The following MAGEE2 variants were observed in gnomAD, a reference collection of about 807,000 sequenced individuals.
MAGEE2 encodes melanoma-associated antigen E2.
For missense variants in MAGEE2, 508 were observed against 391.1 expected, an observed-to-expected ratio of 1.30 and a Z score of -2.52; for synonymous variants, 189 against 155.4, an observed-to-expected ratio of 1.22 and a Z score of -1.61.
chrX:75,784,140 C>T lies in MAGEE2; in HGVS notation c.912G>A (p.Glu304=), dbSNP rs200121912. The T allele has an allele frequency of 2.0e-5, 24 of 1,210,201 alleles. No individual in the cohort carries two copies. Among genetic ancestry groups the T allele is most frequent in the Non-Finnish European group, 2.5e-5 (22 of 895,332 alleles). ...CATTCATAGTGTCCTCCGACCAGAA[C>T]TCTAAGCCAGCAGTCAGGCTTCTTT... The part of the protein sequence containing the change: ...TKERSLTAGL[E]FWSEDTMNDK... The change falls in exon 1 of 1, where the codon GAG becomes GAA. Residue 304 remains glutamate (E), a synonymous_variant. Transcript: ENST00000373359.
rs143084438 is a variant in MAGEE2 at position 75,784,361 on chromosome X, C to G, written c.691G>C (p.Val231Leu). Residue 231 changes from valine to leucine, a missense_variant, in exon 1 of 1, where the codon GTG (valine) becomes CTG (leucine). Physicochemically the swap from Val to Leu is conservative, Grantham distance 32. Coordinates refer to ENST00000373359, the MANE Select transcript of MAGEE2 (RefSeq NM_138703.5). ...CAGTACTCCAAGAATCGCATGCACA[C>G]AAAGTCAGTAGTGAGGAGGTTCCTT... ...NTRNLLTTDF[V>L]CMRFLEYWPV... 1 of 1,209,923 alleles carries G rather than the reference C, an allele frequency of 8.3e-7. No individual in the cohort carries two copies. Among genetic ancestry groups the G allele is most frequent in the Non-Finnish European group, 1.1e-6 (1 of 895,250 alleles).
Position 75,785,071 on chromosome X carries a change from G to T in MAGEE2, c.-20C>A. On this transcript the variant is annotated 5_prime_UTR_variant, in exon 1 of 1. Transcript: ENST00000373359. ...AGACATGGTTCCAGGAGACAGGAGC[G>T]GGAACGGTGAGATCAGCGATCAGTC... 1 of 1,118,295 alleles carries T rather than the reference G, an allele frequency of 8.9e-7. No individual in the cohort carries two copies. Among genetic ancestry groups the T allele is most frequent in the Non-Finnish European group, 1.2e-6 (1 of 850,232 alleles). 92.2% of individuals were successfully genotyped at this position (1,118,295 alleles called of 1,213,427 possible). A position where few individuals can be genotyped will look rare whatever the true frequency, so the allele number is the denominator to read the frequency against.
In MAGEE2 at chrX:75,784,801, A is replaced by T. The variant is rs752641035; in HGVS notation, c.251T>A (p.Val84Asp). 1 of 1,211,277 alleles carries T rather than the reference A, an allele frequency of 8.3e-7. No homozygotes were observed. The highest frequency in any genetic ancestry group is 1.1e-6 in the Non-Finnish European group (1 of 895,420). ...EQSRRLGALR[V>D]HDPLEDRSIA... ...CGACCTGTCTTCTAGAGGGTCATGG[A>T]CCCTGAGCGCCCCCAAACGTCTGGA... is the stretch of plus-strand genomic sequence containing the variant. Residue 84 changes from valine (V) to aspartate (D), a missense_variant, in exon 1 of 1, where the codon GTC (valine) becomes GAC (aspartate). Coordinates refer to ENST00000373359, the MANE Select transcript of MAGEE2 (RefSeq NM_138703.5).
Position 75,784,924 on chromosome X carries a change from G to A in MAGEE2, c.128C>T (p.Ala43Val), listed in dbSNP as rs1333353316. The A allele has an allele frequency of 2.7e-5, 31 of 1,166,382 alleles. No homozygotes were observed. The highest frequency in any genetic ancestry group is 7.2e-5 in the African/African-American group (4 of 55,540). ...GATTGGCGCCTGAGGGCACTGGGGGGCATCAACGACTAGCATGGAGGTGGG... is the reference window on the plus strand; with the variant it reads ...GATTGGCGCCTGAGGGCACTGGGGGACATCAACGACTAGCATGGAGGTGGG... ...GSPTSMLVVDAPQCPQAPINS... is the reference protein window; with the variant it reads ...GSPTSMLVVDVPQCPQAPINS... Residue 43 changes from alanine to valine, a missense_variant, in exon 1 of 1, where the codon GCC (alanine) becomes GTC (valine). Ala to Val is a moderately conservative substitution (Grantham distance 64, BLOSUM62 0). Transcript: ENST00000373359.
At position 75,784,809 on chromosome X, in the gene MAGEE2, C is replaced by T; in HGVS notation, c.243G>A (p.Ala81=). 5.0e-6 allele frequency: 6 copies of T among 1,211,495 alleles called. No homozygotes were observed. Among genetic ancestry groups the T allele is most frequent in the Non-Finnish European group, 6.7e-6 (6 of 895,486 alleles). ...LIDEQSRRLG[A]LRVHDPLEDR... ...CTTCTAGAGGGTCATGGACCCTGAG[C>T]GCCCCCAAACGTCTGGACTGCTCGT... Residue 81 remains alanine, a synonymous_variant, in exon 1 of 1, where the codon GCG becomes GCA. Transcript: ENST00000373359.
Position 75,783,335 on chromosome X carries a change from C to A in MAGEE2, c.*145G>T. The A allele has an allele frequency of 1.7e-6, 1 of 605,313 alleles. No homozygotes were observed. Among genetic ancestry groups the A allele is most frequent in the Non-Finnish European group, 2.4e-6 (1 of 410,715 alleles). 49.9% of individuals were successfully genotyped at this position (605,313 alleles called of 1,213,427 possible). A position where few individuals can be genotyped will look rare whatever the true frequency, so the allele number is the denominator to read the frequency against. ...GTATATTAAAAGGAAGGAAATACTA[C>A]TAGAATTGGAACACAGACAGCAAGC... On this transcript the variant is annotated 3_prime_UTR_variant, in exon 1 of 1. Transcript: ENST00000373359.
Position 75,783,218 on chromosome X carries a change from A to G in MAGEE2, c.*262T>C, listed in dbSNP as rs751687561. 1 of 336,210 alleles carries G rather than the reference A, an allele frequency of 3.0e-6. No homozygotes were observed. The highest frequency in any genetic ancestry group is 2.6e-5 in the African/African-American group (1 of 38,846). 27.7% of individuals were successfully genotyped at this position (336,210 alleles called of 1,213,427 possible). ...GATGTAAATATTATCAATACATTTT[A>G]CAGAGCTGTCTGAACTTTTATGCTG... On this transcript the variant is annotated 3_prime_UTR_variant, in exon 1 of 1. Transcript: ENST00000373359.
At position 75,783,441 on chromosome X, in the gene MAGEE2, T is replaced by C. The variant is rs776121299; in HGVS notation, c.*39A>G. On this transcript the variant is annotated 3_prime_UTR_variant, in exon 1 of 1. Transcript: ENST00000373359. ...CCTATTTTACCAAGGCATCTTTAAC[T>C]TATGCCACTCAGCTGAAGTGATACA... The C allele has an allele frequency of 8.6e-7, 1 of 1,158,501 alleles. No homozygotes were observed. Among genetic ancestry groups the C allele is most frequent in the Admixed American group, 2.6e-5 (1 of 38,923 alleles).
rs1007629101 is a variant in MAGEE2, at chrX:75,785,183, G to T, written c.-132C>A. 2.8e-6 allele frequency: 2 copies of T among 715,478 alleles called. No homozygotes were observed. The highest frequency in any genetic ancestry group is 1.9e-6 in the Non-Finnish European group (1 of 526,020). 59.0% of individuals were successfully genotyped at this position (715,478 alleles called of 1,213,427 possible). On this transcript the variant is annotated 5_prime_UTR_variant, in exon 1 of 1. Transcript: ENST00000373359. ...CTGGAAGGATCAAAAGTGAAATCTGGTGTGAAGAGCGATCTTTCTACACAA... is the reference window on the plus strand; with the variant it reads ...CTGGAAGGATCAAAAGTGAAATCTGTTGTGAAGAGCGATCTTTCTACACAA...
Position 75,784,907 on chromosome X carries a change from C to T in MAGEE2, c.145G>A (p.Ala49Thr), listed in dbSNP as rs780120980. ...TTGACACACTGAGAGTTGATTGGCG[C>T]CTGAGGGCACTGGGGGGCATCAACG... ...LVVDAPQCPQAPINSQCVNTS... is the reference protein window; with the variant it reads ...LVVDAPQCPQTPINSQCVNTS... Residue 49 changes from alanine to threonine, a missense_variant, in exon 1 of 1, where the codon GCG (alanine) becomes ACG (threonine). By Grantham distance (58) the Ala-to-Thr change is moderately conservative (BLOSUM62 0). Transcript: ENST00000373359. 1.1e-5 allele frequency: 13 copies of T among 1,180,448 alleles called. No individual in the cohort carries two copies. The highest frequency in any genetic ancestry group is 1.9e-5 in the South Asian group (1 of 52,048).
Sources: allele counts gnomAD v4.1 joint callset, GRCh38; gene constraint gnomAD v4.1.1; transcripts MANE v1.5; gene names NCBI Gene and HGNC (gene_info 2026-07-23, HGNC 2026-07-21).